DCAF17: variants seen among roughly 807,000 people sequenced by gnomAD.
The protein encoded by DCAF17 is DDB1 and CUL4 associated factor 17, also known as DDB1- and CUL4-associated factor 17.
In DCAF17, 48 loss-of-function variants were observed where a neutral mutation model predicts 66.0. The ratio of observed to expected loss-of-function variants is 0.73; its 90% CI spans 0.58 to 0.92. DCAF17 has a LOEUF of 0.92. DCAF17 is among the 40% of genes least tolerant of loss of function. DCAF17 has a pLI of 0.00. For synonymous variants in DCAF17, 206 were observed against 214.6 expected (o/e 0.96, Z 0.35); for missense variants, 562 against 622.8 (o/e 0.90, Z 1.04).
intron 8 of DCAF17, among the ~76,000 whole-genome samples, chr2:171,459,436 T>A (rs1271078861): frequency 1.3e-5 from 2 of 152,270 alleles, no homozygotes; most frequent in African/African-American, 4.8e-5. Context: ...ACAAATTTAG[T>A]AGCTATAAAG....
At position 171,435,126 on chromosome 2, in the gene DCAF17, C is replaced by T; in HGVS notation, c.170C>T (p.Ser57Leu). Reference sequence around the variant, plus strand: ...AATGTCTGGACAACTCATTCCAGGTCACCTATAGCCTATGAGAGAGGAAGA... The same window carrying T: ...AATGTCTGGACAACTCATTCCAGGTTACCTATAGCCTATGAGAGAGGAAGA... ...FKNVWTTHSR[S>L]PIAYERGRIY... The change falls in exon 2 of 14, where the codon TCA (serine) becomes TTA (leucine). Residue 57 changes from serine to leucine, a missense_variant. Coordinates refer to ENST00000375255, the MANE Select transcript of DCAF17 (RefSeq NM_025000.4). The T allele has an allele frequency of 6.2e-7, 1 of 1,613,534 alleles. No homozygotes were observed. Among genetic ancestry groups the T allele is most frequent in the Non-Finnish European group, 8.5e-7 (1 of 1,179,554 alleles).
intron 8 of DCAF17, among the ~76,000 whole-genome samples, chr2:171,459,660 C>T (rs2105776965): frequency 6.6e-6 from 1 of 152,154 alleles, no homozygotes; most frequent in East Asian, 1.9e-4. Context: ...TTTTCCTTAA[C>T]ATTGTATTAG....
At position 171,483,356 on chromosome 2, in the gene DCAF17, G is replaced by A. The variant is rs1196759864; in HGVS notation, c.*2242G>A. 1 of 454,100 alleles carries A rather than the reference G, an allele frequency of 2.2e-6. No individual in the cohort carries two copies. Among genetic ancestry groups the A allele is most frequent in the East Asian group, 6.9e-5 (1 of 14,396 alleles). 28.1% of individuals were successfully genotyped at this position (454,100 alleles called of 1,614,324 possible). ...TGGGTAACAATTCTGAGTGTTTAAT[G>A]CAAGCCCAGGTGAAGCAGGGTAGCT... On this transcript the variant is annotated 3_prime_UTR_variant, in exon 14 of 14. Transcript: ENST00000375255.
chr2:171,475,722 C>T (rs951961740), intron 10 of DCAF17, among the ~76,000 whole-genome samples: 4 of 152,108 alleles, frequency 2.6e-5, no homozygotes, highest in South Asian at 2.1e-4. Context: ...ATGATTGTAG[C>T]GCTGTACTCC....
At position 171,448,686 on chromosome 2, in the gene DCAF17, T is replaced by C; in HGVS notation, c.327T>C (p.Asp109=). Residue 109 remains aspartate, a synonymous_variant, in exon 4 of 14, where the codon GAT becomes GAC. Transcript: ENST00000375255. ...ATCTCTCTTTTTTTTTTTAGGGAGA[T>C]ATACTTCCCAATTCATCAGATTATA... ...DALLWECPVG[D]ILPNSSDYKS... The C allele has an allele frequency of 6.3e-7, 1 of 1,583,184 alleles. No individual in the cohort carries two copies. Among genetic ancestry groups the C allele is most frequent in the Non-Finnish European group, 8.6e-7 (1 of 1,166,612 alleles).
At chr2:171,434,773 G>A (rs1693724315) in intron 1 of DCAF17, 70 bp downstream of exon 1, 3 of 1,389,922 alleles carry the variant, frequency 2.2e-6, no homozygotes, top group Admixed American at 7.3e-5. Context: ...CTGCGGGGAT[G>A]CGGTTTTAAC....
At chr2:171,450,215 A>G (rs1694868375) in intron 5 of DCAF17, 2 of 403,816 alleles carry the variant, frequency 5.0e-6, no homozygotes, top group Non-Finnish European at 9.3e-6. Context: ...GATACAATTT[A>G]CTCTGGAGAC....
chr2:171,475,593 C>T (rs932821578), intron 10 of DCAF17, among the ~76,000 whole-genome samples: 9 of 152,158 alleles, frequency 5.9e-5, no homozygotes, highest in Non-Finnish European at 1.0e-4. Flanking sequence ...AGTGAGACTT[C>T]GTCTCTACAA....
rs745422590 is a variant in DCAF17, at chr2:171,458,459, T to G, written c.820T>G (p.Cys274Gly). ...TVGEAPFGIP[C>G]NIKITDMPPL... ...AGGAGAGGCTCCTTTTGGCATTCCT[T>G]GTAATATTAAAATCACAGGTATGGC... The change falls in exon 8 of 14, where the codon TGT becomes GGT. Residue 274 changes from cysteine (C) to glycine (G), a missense_variant. By Grantham distance (159) the Cys-to-Gly change is radical. Transcript: ENST00000375255. 6.2e-7 allele frequency: 1 copy of G among 1,613,638 alleles called. No homozygotes were observed. The highest frequency in any genetic ancestry group is 8.5e-7 in the Non-Finnish European group (1 of 1,179,562).
Position 171,481,921 on chromosome 2 carries a change from A to G in DCAF17, c.*807A>G, listed in dbSNP as rs1276742621. The G allele has an allele frequency of 2.2e-6, 1 of 453,920 alleles. No homozygotes were observed. Among genetic ancestry groups the G allele is most frequent in the Non-Finnish European group, 4.4e-6 (1 of 226,762 alleles). 28.1% of individuals were successfully genotyped at this position (453,920 alleles called of 1,614,324 possible). A position where few individuals can be genotyped will look rare whatever the true frequency, so the allele number is the denominator to read the frequency against. ...CTGATCTTGTTTAGGCAATATTTGC[A>G]TACTTATGCAATAAGATAAAGGTAC... On this transcript the variant is annotated 3_prime_UTR_variant, in exon 14 of 14. Coordinates refer to ENST00000375255, the MANE Select transcript of DCAF17 (RefSeq NM_025000.4).
At chr2:171,448,282 C>A (rs1694747035) in intron 3 of DCAF17, among the ~76,000 whole-genome samples, 1 of 152,150 alleles carries the variant, frequency 6.6e-6, no homozygotes, top group East Asian at 1.9e-4. Context: ...CAGGCACTCA[C>A]CACCATGCTA....
chr2:171,467,944 A>G (rs1553551264), intron 8 of DCAF17, among the ~76,000 whole-genome samples: 2 of 152,100 alleles, frequency 1.3e-5, no homozygotes, highest in South Asian at 2.1e-4. Flanking sequence ...TCCTAAGACA[A>G]GCCCCTTTAC....
chr2:171,443,634 G>A (rs759763006), intron 3 of DCAF17, 21 bp downstream of exon 3: 15 of 1,593,446 alleles, frequency 9.4e-6, no homozygotes, highest in East Asian at 4.5e-5. Context: ...TTTTTAGAGC[G>A]TTTGTTTCTA....
rs1201358671 is a variant in DCAF17 at position 171,484,000 on chromosome 2, T to G, written c.*2886T>G. On this transcript the variant is annotated 3_prime_UTR_variant, in exon 14 of 14. Transcript: ENST00000375255. ...GTAGGAAAGTGCTTAATAATCGTTT[T>G]TTACTGATGATTCAGTGTCTAAATT... 2.2e-6 allele frequency: 1 copy of G among 453,750 alleles called. No homozygotes were observed. The highest frequency in any genetic ancestry group is 6.9e-5 in the East Asian group (1 of 14,402). The allele number at this position is 453,750 out of a possible 1,614,324, so 28.1% of individuals were successfully genotyped here.
At chr2:171,477,828 G>A (rs1258844064) in intron 11 of DCAF17, among the ~76,000 whole-genome samples, 159 bp from the exon 12 acceptor site, 3 of 152,136 alleles carry the variant, frequency 2.0e-5, no homozygotes, top group East Asian at 3.8e-4. Flanking sequence ...AATATGAAAC[G>A]GAGGATCAGA....
chr2:171,434,362 C>A lies in DCAF17; in HGVS notation c.-216C>A. On this transcript the variant is annotated 5_prime_UTR_variant, in exon 1 of 14. Coordinates refer to ENST00000375255, the MANE Select transcript of DCAF17 (RefSeq NM_025000.4). ...GGGGCAGATCGAAAAGGGAGTGCTT[C>A]TTCCCTTCTCTCCGCGCTCTGGCGG... 1 of 805,086 alleles carries A rather than the reference C, an allele frequency of 1.2e-6. No individual in the cohort carries two copies. The highest frequency in any genetic ancestry group is 2.0e-6 in the Non-Finnish European group (1 of 488,062). 49.9% of individuals were successfully genotyped at this position (805,086 alleles called of 1,614,324 possible). A position where few individuals can be genotyped will look rare whatever the true frequency, so the allele number is the denominator to read the frequency against.
rs1164458549 is a variant in DCAF17, at chr2:171,485,048, G to A, written c.*3934G>A. ...AATAAAGCTGCTATGAACATTCTTA[G>A]ACAATTCTTTTGTGAACATGTGTCT... On this transcript the variant is annotated 3_prime_UTR_variant, in exon 14 of 14. Transcript: ENST00000375255. 1 of 450,590 alleles carries A rather than the reference G, an allele frequency of 2.2e-6. No homozygotes were observed. Among genetic ancestry groups the A allele is most frequent in the South Asian group, 1.6e-5 (1 of 63,186 alleles). The allele number at this position is 450,590 out of a possible 1,614,324, so 27.9% of individuals were successfully genotyped here. A position where few individuals can be genotyped will look rare whatever the true frequency, so the allele number is the denominator to read the frequency against.
chr2:171,465,448 T>A (rs924738225), intron 8 of DCAF17, among the ~76,000 whole-genome samples: 3 of 152,160 alleles, frequency 2.0e-5, no homozygotes, highest in Non-Finnish European at 4.4e-5. Context: ...GTGTATATAG[T>A]TGAAAGGTTG....
intron 1 of DCAF17, 33 bp from the exon 2 acceptor site, chr2:171,435,050 C>A: frequency 1.3e-6 from 2 of 1,487,724 alleles, no homozygotes; most frequent in Non-Finnish European, 1.9e-6. Flanking sequence ...CCTAAGAGTT[C>A]TTTCCTGAAC....
Sources: allele counts gnomAD v4.1 joint callset (sites outside exome capture counted in the v4.1 genomes callset), GRCh38; gene constraint gnomAD v4.1.1; transcripts MANE v1.5; gene names NCBI Gene and HGNC (gene_info 2026-07-23, HGNC 2026-07-21).